Variants in EXOC5 observed in about 807,000 individuals in gnomAD.
The protein encoded by EXOC5 is SEC10-like 1.
Under a neutral mutation model 90.8 loss-of-function variants are expected in EXOC5, and 17 were observed. That is an observed-to-expected ratio of 0.19 (90% CI 0.13 to 0.28). The LOEUF is 0.28. Among genes scored for constraint, EXOC5 ranks in the 10% least tolerant of loss-of-function variants. The probability of loss-of-function intolerance (pLI) is 1.00; values close to 1 mark genes in which losing one functional copy is unlikely to be tolerated. For missense variants in EXOC5, 569 were observed against 830.6 expected, an observed-to-expected ratio of 0.69 and a Z score of 3.87; for synonymous variants, 260 against 270.0, an observed-to-expected ratio of 0.96 and a Z score of 0.36.
chr14:57,249,110 A>G (rs758207928), intron 1 of EXOC5, among the ~76,000 whole-genome samples: 1 of 152,136 alleles, frequency 6.6e-6, no homozygotes, highest in Non-Finnish European at 1.5e-5. Context: ...TTAAGTACTT[A>G]CTATGTGCCA....
In EXOC5 at chr14:57,203,092, A is replaced by G. The variant is rs1249008167; in HGVS notation, c.*5517T>C. The G allele has an allele frequency of 3.3e-5, 5 of 152,142 alleles. No homozygotes were observed. The highest frequency in any genetic ancestry group is 3.3e-4 in the Admixed American group (5 of 15,268). The allele number at this position is 152,142 out of a possible 1,614,324, so 9.4% of individuals were successfully genotyped here. Reference sequence around the variant, plus strand: ...CCAGCATTGTCCAGACTCTATTTGGATATTTTCTATAGCAAAAACCTAAAG... The same window carrying G: ...CCAGCATTGTCCAGACTCTATTTGGGTATTTTCTATAGCAAAAACCTAAAG... On this transcript the variant is annotated 3_prime_UTR_variant, in exon 18 of 18. Transcript: ENST00000621441.
At position 57,263,453 on chromosome 14, in the gene EXOC5, G is replaced by A. The variant is rs192952306; in HGVS notation, c.27+5169C>T. Among the ~76,000 whole-genome samples, 988 of 151,340 alleles carry A rather than the reference G, an allele frequency of 6.5e-3. 17 individuals are homozygous for A. The highest frequency in any genetic ancestry group is 0.023 in the African/African-American group (944 of 41,200). Reference sequence around the variant, plus strand: ...CTACTGCACTCCAGCCTGGGTGACAGAGCAAAACCCTGTCTCAAAAAACAA... The same window carrying A: ...CTACTGCACTCCAGCCTGGGTGACAAAGCAAAACCCTGTCTCAAAAAACAA... On this transcript the variant is annotated intron_variant, in intron 1 of 17. Coordinates refer to ENST00000621441, the MANE Select transcript of EXOC5 (RefSeq NM_006544.4).
In EXOC5 at chr14:57,233,780, G is replaced by T; in HGVS notation, c.818C>A (p.Ala273Asp). 6.3e-7 allele frequency: 1 copy of T among 1,592,132 alleles called. No homozygotes were observed. The highest frequency in any genetic ancestry group is 8.6e-7 in the Non-Finnish European group (1 of 1,160,696). The change falls in exon 9 of 18, where the codon GCT becomes GAT. Residue 273 changes from alanine (A) to aspartate (D), a missense_variant. Transcript: ENST00000621441. ...DIFSNPETVL[A>D]KLIQNVFEIK... ...TTCAAATACATTTTGAATAAGTTTA[G>T]CCAGGACTGTTTCTGGATTACTGAA...
chr14:57,243,301 T>G (rs1883927551), intron 4 of EXOC5: 1 of 152,224 alleles, frequency 6.6e-6, no homozygotes, highest in Non-Finnish European at 1.5e-5. Flanking sequence ...ATAACTATTT[T>G]CCAAAGAACT....
chr14:57,249,187 A>C (rs1322037536), intron 1 of EXOC5, among the ~76,000 whole-genome samples: 1 of 152,156 alleles, frequency 6.6e-6, no homozygotes, highest in Admixed American at 6.5e-5. Flanking sequence ...GTAAGTCTAC[A>C]AGGTAGGTTC....
At chr14:57,213,194 G>A (rs1348460556) in intron 15 of EXOC5, among the ~76,000 whole-genome samples, 2 of 151,830 alleles carry the variant, frequency 1.3e-5, no homozygotes, top group South Asian at 2.1e-4. Flanking sequence ...AACAGCCTGG[G>A]CAACATAATG....
chr14:57,215,000 C>T (rs949255285), intron 15 of EXOC5, among the ~76,000 whole-genome samples: 5 of 152,036 alleles, frequency 3.3e-5, no homozygotes, highest in Admixed American at 6.6e-5. Context: ...GAGGCTGAGG[C>T]GGGTGGACTG....
chr14:57,229,220 A>G (rs1883402947), intron 12 of EXOC5, among the ~76,000 whole-genome samples: 1 of 152,192 alleles, frequency 6.6e-6, no homozygotes, highest in African/African-American at 2.4e-5. Context: ...CCTAATTTTA[A>G]AATTATTCTG....
chr14:57,227,945 TACACACACAC>T (rs60100460), intron 12 of EXOC5, among the ~76,000 whole-genome samples: 11 of 146,026 alleles, frequency 7.5e-5, no homozygotes, highest in African/African-American at 2.5e-4. Context: ...CATATATATA[TACACACACAC>T]ACACACACAC....
In EXOC5 at chr14:57,201,435, C is replaced by CACGTGTGTATATAT. The variant is rs1462969845; in HGVS notation, c.*7173_*7174insATATATACACACGT. On this transcript the variant is annotated 3_prime_UTR_variant, in exon 18 of 18. Coordinates refer to ENST00000621441, the MANE Select transcript of EXOC5 (RefSeq NM_006544.4). ...TCTGATTAGTATATATATATACACA[C>CACGTGTGTATATAT]ACACACGTGTGTATATATACACACG... The CACGTGTGTATATAT allele has an allele frequency of 1.4e-5, 2 of 144,510 alleles. No individual in the cohort carries two copies. Among genetic ancestry groups the CACGTGTGTATATAT allele is most frequent in the African/African-American group, 2.6e-5 (1 of 38,478 alleles). 9.0% of individuals were successfully genotyped at this position (144,510 alleles called of 1,614,324 possible). A position where few individuals can be genotyped will look rare whatever the true frequency, so the allele number is the denominator to read the frequency against.
chr14:57,245,985 G>A (rs1222617869), intron 3 of EXOC5, among the ~76,000 whole-genome samples: 4 of 152,042 alleles, frequency 2.6e-5, no homozygotes, highest in Non-Finnish European at 5.9e-5. Flanking sequence ...GGGAGGTGGA[G>A]GTTGCAGTGA....
chr14:57,247,674 T>C lies in EXOC5; in HGVS notation c.66A>G (p.Val22=), dbSNP rs577294827. ...FVADEYIERL[V]WRTPGGGSRG... ...TAGAGCCTCCTCCTGGGGTTCTCCA[T>C]ACAAGACGTTCAATATATTCATCTG... Residue 22 remains valine, a synonymous_variant, in exon 2 of 18, where the codon GTA becomes GTG. Transcript: ENST00000621441. 20 of 1,570,024 alleles carry C rather than the reference T, an allele frequency of 1.3e-5. No individual in the cohort carries two copies. Among genetic ancestry groups the C allele is most frequent in the African/African-American group, 2.7e-5 (2 of 73,814 alleles).
In EXOC5 at chr14:57,204,545, T is replaced by G. The variant is rs1359201719; in HGVS notation, c.*4064A>C. 2 of 152,484 alleles carry G rather than the reference T, an allele frequency of 1.3e-5. No individual in the cohort carries two copies. Among genetic ancestry groups the G allele is most frequent in the Non-Finnish European group, 1.5e-5 (1 of 67,962 alleles). 9.4% of individuals were successfully genotyped at this position (152,484 alleles called of 1,614,324 possible). The stretch of plus-strand genomic sequence containing the variant: ...CAAGCCTATGACATTTAAAATAGTT[T>G]TTGAACATAAAAACACTGATTTCTT... On this transcript the variant is annotated 3_prime_UTR_variant, in exon 18 of 18. Transcript: ENST00000621441.
At position 57,206,069 on chromosome 14, in the gene EXOC5, GA is replaced by G. The variant is rs1234237686; in HGVS notation, c.*2539del. 8 of 443,898 alleles carry G rather than the reference GA, an allele frequency of 1.8e-5. No individual in the cohort carries two copies. Among genetic ancestry groups the G allele is most frequent in the Non-Finnish European group, 3.1e-5 (7 of 222,352 alleles). 27.5% of individuals were successfully genotyped at this position (443,898 alleles called of 1,614,324 possible). ...GTATTTCAGATATTTCTCAATTTTAGAAAAACAATGCACAGTGTGTTAAGAG... is the reference window on the plus strand; with the variant it reads ...GTATTTCAGATATTTCTCAATTTTAGAAAACAATGCACAGTGTGTTAAGAG... On this transcript the variant is annotated 3_prime_UTR_variant, in exon 18 of 18. Transcript: ENST00000621441.
intron 1 of EXOC5, among the ~76,000 whole-genome samples, chr14:57,253,556 A>G (rs1231932569): frequency 2.0e-5 from 3 of 152,184 alleles, no homozygotes; most frequent in African/African-American, 7.2e-5. Context: ...GCACAAAACA[A>G]TCTTGAAAAA....
rs1221633923 is a variant in EXOC5, at chr14:57,201,294, A to AG, written c.*7314dup. Reference sequence around the variant, plus strand: ...TGGGAACATGCCAAAACGACACAGGAGACAACCTGAAGAGGCTACTTCTGA... The same window carrying AG: ...TGGGAACATGCCAAAACGACACAGGAGGACAACCTGAAGAGGCTACTTCTGA... On this transcript the variant is annotated 3_prime_UTR_variant, in exon 18 of 18. Coordinates refer to ENST00000621441, the MANE Select transcript of EXOC5 (RefSeq NM_006544.4). 3 of 151,892 alleles carry AG rather than the reference A, an allele frequency of 2.0e-5. No individual in the cohort carries two copies. Among genetic ancestry groups the AG allele is most frequent in the African/African-American group, 7.3e-5 (3 of 41,362 alleles). 9.4% of individuals were successfully genotyped at this position (151,892 alleles called of 1,614,324 possible).
intron 13 of EXOC5, among the ~76,000 whole-genome samples, chr14:57,221,777 G>A (rs1883147924): frequency 6.6e-6 from 1 of 152,140 alleles, no homozygotes; most frequent in Non-Finnish European, 1.5e-5. Flanking sequence ...GGAAGATAAA[G>A]AGTTTCATTT....
intron 9 of EXOC5, 66 bp downstream of exon 9, chr14:57,233,677 T>C: frequency 9.8e-7 from 1 of 1,021,786 alleles, no homozygotes; most frequent in Non-Finnish European, 1.4e-6. Flanking sequence ...AAAATACTTT[T>C]AAAATATAGG....
chr14:57,265,951 C>A lies in EXOC5; in HGVS notation c.27+2671G>T, dbSNP rs548765643. On this transcript the variant is annotated intron_variant, in intron 1 of 17. Transcript: ENST00000621441. ...ATTACAATAGCCAAATCATCTATTA[C>A]TAAATCATTTCGGTCAACTGAGGAA... 4.6e-5 allele frequency among the ~76,000 whole-genome samples: 7 copies of A among 152,298 alleles called. No individual in the cohort carries two copies. The East Asian group carries it at 1.3e-3, about 29-fold the overall frequency.
Sources: allele counts gnomAD v4.1 joint callset (sites outside exome capture counted in the v4.1 genomes callset), GRCh38; gene constraint gnomAD v4.1.1; transcripts MANE v1.5; gene names NCBI Gene and HGNC (gene_info 2026-07-23, HGNC 2026-07-21).